Variants in IPPK observed in about 807,000 individuals in gnomAD.
IPPK encodes the protein IPK1 homolog.
In IPPK, 22 loss-of-function variants were observed where a neutral mutation model predicts 64.6. The observed-to-expected ratio is 0.34, with a 90% CI of 0.24 to 0.49. The LOEUF is 0.49. IPPK is among the 20% of genes least tolerant of loss of function. The pLI is 0.99. For missense variants in IPPK, 532 were observed against 630.7 expected (o/e 0.84, Z 1.68); for synonymous variants, 262 against 247.2 (o/e 1.06, Z -0.56).
At chr9:92,629,948 C>T (rs1853468) in intron 11 of IPPK, among the ~76,000 whole-genome samples, 10 of 151,952 alleles carry the variant, frequency 6.6e-5, no homozygotes, top group Non-Finnish European at 1.3e-4. Flanking sequence ...GTGGGAAGAT[C>T]GAACCGTACA....
Position 92,638,179 on chromosome 9 carries a change from G to A in IPPK, c.738C>T (p.Gly246=), listed in dbSNP as rs1851980409. 4 of 1,614,264 alleles carry A rather than the reference G, an allele frequency of 2.5e-6. No homozygotes were observed. The highest frequency in any genetic ancestry group is 1.7e-5 in the Admixed American group (1 of 60,036). ...HLKPFFFPSN[G]LASGPHCTRA... is the part of the protein sequence containing the mutation. ...TTGTGCAGTGGGGCCCACTGGCCAGGCCGTTGGAAGGGAAGAAGAACGGCT... is the reference window on the plus strand; with the variant it reads ...TTGTGCAGTGGGGCCCACTGGCCAGACCGTTGGAAGGGAAGAAGAACGGCT... Residue 246 remains glycine, a synonymous_variant, in exon 9 of 13, where the codon GGC becomes GGT. Coordinates refer to ENST00000287996, the MANE Select transcript of IPPK (RefSeq NM_022755.6).
chr9:92,662,902 C>A (rs1166261674), intron 1 of IPPK, among the ~76,000 whole-genome samples: 1 of 152,188 alleles, frequency 6.6e-6, no homozygotes, highest in Non-Finnish European at 1.5e-5. Flanking sequence ...GGAAAGCGAT[C>A]TGCAACGTGT....
chr9:92,650,912 C>T (rs1264324070), intron 4 of IPPK, among the ~76,000 whole-genome samples: 1 of 152,106 alleles, frequency 6.6e-6, no homozygotes, highest in Non-Finnish European at 1.5e-5. Context: ...GCTCCAGGCA[C>T]CCCAGGGACA....
intron 11 of IPPK, among the ~76,000 whole-genome samples, chr9:92,623,448 A>C (rs948769092): frequency 6.6e-6 from 1 of 151,994 alleles, no homozygotes; most frequent in Non-Finnish European, 1.5e-5. Flanking sequence ...AAAAAAAAAA[A>C]AGTCAAAAGA....
At chr9:92,638,954 T>C (rs139812292) in intron 8 of IPPK, among the ~76,000 whole-genome samples, 2 of 152,356 alleles carry the variant, frequency 1.3e-5, no homozygotes, top group African/African-American at 2.4e-5. Flanking sequence ...CCATGACTCA[T>C]GGGGGTCTGG....
At chr9:92,621,475 A>ACAAAG (rs1469006655) in intron 11 of IPPK, among the ~76,000 whole-genome samples, 1 of 151,258 alleles carries the variant, frequency 6.6e-6, no homozygotes, top group Non-Finnish European at 1.5e-5. Flanking sequence ...AGCTGATTCT[A>ACAAAG]CAAAGCATTT....
intron 8 of IPPK, among the ~76,000 whole-genome samples, chr9:92,640,403 T>A (rs1450991952): frequency 6.7e-6 from 1 of 150,086 alleles, no homozygotes. Flanking sequence ...ACCCATCTGC[T>A]TATAAGGGGA....
chr9:92,637,956 GC>G (rs1405255886), intron 9 of IPPK, 44 bp downstream of exon 9: 2 of 1,473,548 alleles, frequency 1.4e-6, no homozygotes, highest in Non-Finnish European at 1.8e-6. Flanking sequence ...GAGTCCCAAG[GC>G]CCCTGCGGCC....
chr9:92,655,877 G>T (rs1030180093), intron 3 of IPPK, among the ~76,000 whole-genome samples: 1 of 152,040 alleles, frequency 6.6e-6, no homozygotes, highest in Admixed American at 6.5e-5. Flanking sequence ...CCAGGGGCCT[G>T]TCCAGGTCTC....
chr9:92,647,566 T>C (rs536698722), intron 6 of IPPK, among the ~76,000 whole-genome samples: 1 of 152,236 alleles, frequency 6.6e-6, no homozygotes, highest in East Asian at 1.9e-4. Context: ...AACTGGGATT[T>C]ATCCCAGAAA....
intron 12 of IPPK, chr9:92,616,272 C>T: frequency 6.0e-6 from 3 of 500,098 alleles, no homozygotes; most frequent in East Asian, 3.6e-5. Context: ...GTGATCTGTG[C>T]GTGTGACAGC....
intron 6 of IPPK, among the ~76,000 whole-genome samples, chr9:92,645,184 C>T (rs957036653): frequency 2.0e-5 from 3 of 151,928 alleles, no homozygotes; most frequent in African/African-American, 2.4e-5. Context: ...TGAGCTGAGG[C>T]GTTCGAGACC....
intron 6 of IPPK, among the ~76,000 whole-genome samples, chr9:92,644,402 C>A (rs1852108999): frequency 6.6e-6 from 1 of 152,166 alleles, no homozygotes; most frequent in South Asian, 2.1e-4. Flanking sequence ...AGCTGCCCAG[C>A]AGCCACAGAG....
intron 6 of IPPK, among the ~76,000 whole-genome samples, chr9:92,645,263 G>A (rs1280321770): frequency 2.0e-5 from 3 of 151,990 alleles, no homozygotes; most frequent in East Asian, 3.9e-4. Context: ...GGTGGGGTGC[G>A]CCTGTAGTCC....
chr9:92,664,596 C>T (rs754859983), intron 1 of IPPK, among the ~76,000 whole-genome samples: 2 of 152,170 alleles, frequency 1.3e-5, no homozygotes, highest in South Asian at 2.1e-4. Context: ...AGGCACACCT[C>T]GTGCATGGGG....
At chr9:92,633,815 G>A (rs1196439741) in intron 11 of IPPK, among the ~76,000 whole-genome samples, 2 of 152,178 alleles carry the variant, frequency 1.3e-5, no homozygotes, top group Non-Finnish European at 1.5e-5. Flanking sequence ...TGCCACATTC[G>A]TAATGGAAAG....
chr9:92,648,315 A>G (rs960956870), intron 5 of IPPK, among the ~76,000 whole-genome samples, 167 bp from the exon 6 acceptor site: 2 of 152,226 alleles, frequency 1.3e-5, no homozygotes, highest in African/African-American at 4.8e-5. Context: ...CACTTCCTGC[A>G]TCAGATCACA....
chr9:92,638,405 A>C, intron 8 of IPPK, 125 bp from the exon 9 acceptor site: 14 of 1,068,640 alleles, frequency 1.3e-5, no homozygotes, highest in Middle Eastern at 2.2e-4. Context: ...TGTCCACCCA[A>C]TCTGGGGCCG....
At chr9:92,656,077 A>G (rs1852367109) in intron 3 of IPPK, among the ~76,000 whole-genome samples, 1 of 152,174 alleles carries the variant, frequency 6.6e-6, no homozygotes, top group African/African-American at 2.4e-5. Context: ...AGCCGACCCC[A>G]GGACAGCCCC....
Sources: allele counts gnomAD v4.1 joint callset (sites outside exome capture counted in the v4.1 genomes callset), GRCh38; gene constraint gnomAD v4.1.1; transcripts MANE v1.5; gene names NCBI Gene and HGNC (gene_info 2026-07-23, HGNC 2026-07-21).